GLI2: variants seen among roughly 807,000 people sequenced by gnomAD.
GLI2 encodes the protein GLI family zinc finger 2, also known as transcription activator GLI2.
GLI2 carries 22 observed loss-of-function variants against 78.9 expected under a neutral mutation model. The ratio of observed to expected loss-of-function variants is 0.28; its 90% CI spans 0.20 to 0.40. The LOEUF is 0.40. Ranked by LOEUF, GLI2 falls within the 10% of genes least tolerant of loss-of-function variation. The pLI, the probability that GLI2 is intolerant of heterozygous loss-of-function variation, is 1.00. For missense variants in GLI2, 2,097 were observed against 2,213.2 expected (o/e 0.95, Z 1.05); for synonymous variants, 974 against 963.7 (o/e 1.01, Z -0.20).
intron 2 of GLI2, among the ~76,000 whole-genome samples, chr2:120,843,828 G>C (rs1383557591): frequency 6.6e-6 from 1 of 152,124 alleles, no homozygotes; most frequent in Admixed American, 6.5e-5. Context: ...CACCACGCTT[G>C]GCTAATTTTT....
In GLI2 at chr2:120,990,276, C is replaced by T. The variant is rs1683230082; in HGVS notation, c.4311C>T (p.Tyr1437=). The change falls in exon 14 of 14, where the codon TAC becomes TAT. Residue 1437 remains tyrosine (Y), a synonymous_variant. Transcript: ENST00000361492. ...ACTACTACGGCCAGATCCACATGTA[C>T]GAACAGGATGGAGGCCTGGAGAACC... ...MLYYYGQIHM[Y]EQDGGLENLG... The T allele has an allele frequency of 3.1e-6, 5 of 1,613,736 alleles. No homozygotes were observed. Among genetic ancestry groups the T allele is most frequent in the Non-Finnish European group, 2.5e-6 (3 of 1,180,026 alleles).
Position 120,737,012 on chromosome 2 carries a change from C to G in GLI2, c.-31+727C>G, listed in dbSNP as rs942798943. Among the ~76,000 whole-genome samples the G allele has an allele frequency of 6.6e-6, 1 of 152,112 alleles. No homozygotes were observed. The highest frequency in any genetic ancestry group is 1.9e-4 in the East Asian group (1 of 5,168). The stretch of plus-strand genomic sequence containing the variant: ...TCCACCTCACTTTCATCCCTGCCCC[C>G]CTACTCATCGTCTCTCCCCACCCCC... On this transcript the variant is annotated intron_variant, in intron 1 of 13. Transcript: ENST00000361492. This position sits in a 1 kb window ranked among gnomAD's most constrained non-coding sequence, Gnocchi z 4.3.
intron 3 of GLI2, among the ~76,000 whole-genome samples, chr2:120,941,097 C>T (rs11904594): frequency 1.3e-5 from 2 of 152,188 alleles, no homozygotes; most frequent in African/African-American, 2.4e-5. Context: ...TGAATGTCTG[C>T]AAACTGCGGC....
chr2:120,755,755 C>G (rs1050628246), intron 1 of GLI2, among the ~76,000 whole-genome samples: 7 of 151,760 alleles, frequency 4.6e-5, no homozygotes, highest in African/African-American at 1.7e-4. Context: ...TTAAATTAAG[C>G]TAATATTTGT....
chr2:120,975,363 G>A (rs1306991674), intron 9 of GLI2, among the ~76,000 whole-genome samples: 1 of 152,168 alleles, frequency 6.6e-6, no homozygotes, highest in Non-Finnish European at 1.5e-5. Context: ...TCAGGGAAAA[G>A]AGAACAATAA....
chr2:120,955,103 GA>G, intron 4 of GLI2, 141 bp from the exon 5 acceptor site: 1 of 679,722 alleles, frequency 1.5e-6, no homozygotes, highest in Non-Finnish European at 2.6e-6. Flanking sequence ...GGCAGTGGGG[GA>G]AAATGCCGAG....
chr2:120,842,927 A>T (rs1329278103), intron 2 of GLI2, among the ~76,000 whole-genome samples: 1 of 152,204 alleles, frequency 6.6e-6, no homozygotes. Context: ...CTGCTTACTC[A>T]GACCTTCAGT....
chr2:120,906,057 C>T (rs1181053798), intron 2 of GLI2, among the ~76,000 whole-genome samples: 4 of 152,226 alleles, frequency 2.6e-5, no homozygotes, highest in African/African-American at 9.6e-5. Context: ...GCTGTGGGCA[C>T]AGCCACCTGA....
intron 2 of GLI2, among the ~76,000 whole-genome samples, chr2:120,804,513 G>C: frequency 6.6e-6 from 1 of 152,252 alleles, no homozygotes; most frequent in East Asian, 1.9e-4. Flanking sequence ...TGGCCAGCAG[G>C]GAGCTGAGTG....
At chr2:120,947,894 C>T (rs1680789800) in intron 3 of GLI2, among the ~76,000 whole-genome samples, 1 of 152,200 alleles carries the variant, frequency 6.6e-6, no homozygotes, top group Non-Finnish European at 1.5e-5. Context: ...TCTTCAGGCC[C>T]GGCACTGCAG....
At chr2:120,959,115 G>C (rs1017415539) in intron 5 of GLI2, among the ~76,000 whole-genome samples, 1 of 152,198 alleles carries the variant, frequency 6.6e-6, no homozygotes, top group East Asian at 1.9e-4. Flanking sequence ...TGGCAGCCCC[G>C]GGGGCTGAGC....
intron 2 of GLI2, among the ~76,000 whole-genome samples, chr2:120,923,157 G>A (rs1679469534): frequency 7.8e-6 from 1 of 127,988 alleles, no homozygotes; most frequent in South Asian, 2.6e-4. Context: ...CACATACACA[G>A]CAACATACAC....
At position 120,986,306 on chromosome 2, in the gene GLI2, C is replaced by T. The variant is rs747870569; in HGVS notation, c.1934C>T (p.Ser645Leu). 2.6e-5 allele frequency: 42 copies of T among 1,613,194 alleles called. No homozygotes were observed. The highest frequency in any genetic ancestry group is 1.6e-4 in the Middle Eastern group (1 of 6,084). Reference sequence around the variant, plus strand: ...TGTCAGTCCAGCCCCGGGGCCCAGTCGTCCTGCAGCAGCGAGCCCTCTCCT... The same window carrying T: ...TGTCAGTCCAGCCCCGGGGCCCAGTTGTCCTGCAGCAGCGAGCCCTCTCCT... ...GLCQSSPGAQ[S>L]SCSSEPSPLG... The change falls in exon 13 of 14, where the codon TCG (serine) becomes TTG (leucine). Residue 645 changes from serine to leucine, a missense_variant. Ser to Leu is a moderately radical substitution (Grantham distance 145, BLOSUM62 -2). Transcript: ENST00000361492.
At chr2:120,838,385 T>G (rs909438662) in intron 2 of GLI2, among the ~76,000 whole-genome samples, 1 of 152,212 alleles carries the variant, frequency 6.6e-6, no homozygotes, top group African/African-American at 2.4e-5. Flanking sequence ...TTTTACTAGT[T>G]TTAAATGTGT....
intron 3 of GLI2, among the ~76,000 whole-genome samples, chr2:120,932,432 C>G (rs756514749): frequency 2.0e-5 from 3 of 152,120 alleles, no homozygotes; most frequent in Non-Finnish European, 4.4e-5. Flanking sequence ...GTGCAGGCTC[C>G]AGAGAGGTGT....
intron 2 of GLI2, among the ~76,000 whole-genome samples, chr2:120,890,935 T>G (rs960122190): frequency 6.6e-6 from 1 of 152,344 alleles, no homozygotes; most frequent in Admixed American, 6.5e-5. Context: ...TTCAGTCATT[T>G]TCACCTCTTG....
chr2:120,984,580 A>G lies in GLI2; in HGVS notation c.1742A>G (p.Lys581Arg). The G allele has an allele frequency of 3.7e-6, 6 of 1,614,226 alleles. No homozygotes were observed. Among genetic ancestry groups the G allele is most frequent in the Non-Finnish European group, 5.1e-6 (6 of 1,180,034 alleles). Residue 581 changes from lysine to arginine, a missense_variant, in exon 12 of 14, where the codon AAG becomes AGG. Lys to Arg is a conservative substitution (Grantham distance 26, BLOSUM62 2). Transcript: ENST00000361492. The stretch of plus-strand genomic sequence containing the variant: ...GGCCCAGATGCCCACGTCACCAAGA[A>G]GCAGCGCAATGACGTGCACCTCCGC... ...VHGPDAHVTK[K>R]QRNDVHLRTP...
intron 5 of GLI2, among the ~76,000 whole-genome samples, chr2:120,957,712 A>G (rs1681341292): frequency 6.6e-6 from 1 of 152,218 alleles, no homozygotes; most frequent in African/African-American, 2.4e-5. Context: ...TTTCAGCATG[A>G]GCGTCTGTGT....
At chr2:120,761,364 G>T (rs1211746148) in intron 1 of GLI2, among the ~76,000 whole-genome samples, 2 of 152,058 alleles carry the variant, frequency 1.3e-5, no homozygotes, top group Admixed American at 1.3e-4. Context: ...GATTCCCACC[G>T]CCCAGCCCAG....
Sources: gnomAD v4.1 joint callset for allele counts (sites outside exome capture counted in the v4.1 genomes callset) on GRCh38, gnomAD v4.1.1 for gene constraint, Gnocchi (gnomAD v3.1) non-coding constraint, MANE v1.5 for transcripts, NCBI Gene and HGNC (gene_info 2026-07-23, HGNC 2026-07-21) for gene names.